Variants in TTC7B observed in about 807,000 individuals in gnomAD.
TTC7B encodes the protein tetratricopeptide repeat protein 7B.
TTC7B carries 28 observed loss-of-function variants against 106.8 expected under a neutral mutation model. The observed-to-expected ratio is 0.26, with a 90% CI of 0.19 to 0.36. TTC7B has a LOEUF of 0.36. TTC7B is among the 10% of genes least tolerant of loss of function. The pLI, the probability that TTC7B is intolerant of heterozygous loss-of-function variation, is 1.00. For missense variants in TTC7B, 862 were observed against 1,076.4 expected, an observed-to-expected ratio of 0.80 and a Z score of 2.79; for synonymous variants, 405 against 430.6, an observed-to-expected ratio of 0.94 and a Z score of 0.74.
At position 90,536,163 on chromosome 14, in the gene TTC7B, G is replaced by C. The variant is rs1349924094; in HGVS notation, c.*5205C>G. ...CCCTGACGGGGTCTCCAGGCATTGAGAGAGCCCACCCACCTCCTCCAGGAA... is the reference window on the plus strand; with the variant it reads ...CCCTGACGGGGTCTCCAGGCATTGACAGAGCCCACCCACCTCCTCCAGGAA... On this transcript the variant is annotated 3_prime_UTR_variant, in exon 20 of 20. Coordinates refer to ENST00000328459, the MANE Select transcript of TTC7B (RefSeq NM_001010854.2). 3 of 154,944 alleles carry C rather than the reference G, an allele frequency of 1.9e-5. No homozygotes were observed. Among genetic ancestry groups the C allele is most frequent in the Non-Finnish European group, 1.4e-5 (1 of 69,046 alleles). The allele number at this position is 154,944 out of a possible 1,614,324, so 9.6% of individuals were successfully genotyped here.
intron 15 of TTC7B, among the ~76,000 whole-genome samples, chr14:90,630,710 C>G (rs1286444): frequency 0.39 from 59,688 of 152,070 alleles, 11,948 homozygotes; most frequent in Middle Eastern, 0.48. Flanking sequence ...GACTACTCCA[C>G]GTACCTCATA....
chr14:90,615,903 C>T (rs1314489345), intron 16 of TTC7B, among the ~76,000 whole-genome samples: 4 of 152,190 alleles, frequency 2.6e-5, no homozygotes, highest in South Asian at 2.1e-4. Context: ...CCACCCCATC[C>T]GCCAGTCCCC....
intron 15 of TTC7B, among the ~76,000 whole-genome samples, chr14:90,641,921 T>TTGCG (rs1885188419): frequency 7.2e-6 from 1 of 139,218 alleles, no homozygotes; most frequent in Non-Finnish European, 1.5e-5. Context: ...ATGAAAGAGC[T>TTGCG]TGTGTGTGTG....
Position 90,689,643 on chromosome 14 carries a change from C to T in TTC7B, c.847G>A (p.Glu283Lys). ...MCEQSYWNPL[E>K]DPPCQSPLDD... ...AGAGGTGACTGGCACGGTGGATCCT[C>T]CAGAGGGTTCCAGTAGCTCTGCTCA... Residue 283 changes from glutamate to lysine, a missense_variant, in exon 7 of 20, where the codon GAG (glutamate) becomes AAG (lysine). Coordinates refer to ENST00000328459, the MANE Select transcript of TTC7B (RefSeq NM_001010854.2). 1 of 1,614,124 alleles carries T rather than the reference C, an allele frequency of 6.2e-7. No homozygotes were observed. The highest frequency in any genetic ancestry group is 8.5e-7 in the Non-Finnish European group (1 of 1,180,004).
rs1367845072 is a variant in TTC7B at position 90,759,942 on chromosome 14, C to T, written c.446-15020G>A. ...AGGCAGCTTAGATATGACACAGCCT[C>T]AACACCCAACCCAGAATAAGCACTC... On this transcript the variant is annotated intron_variant, in intron 3 of 19. Transcript: ENST00000328459. The surrounding 1 kb of genome is among the most constrained non-coding windows in gnomAD (Gnocchi z 4.1). Among the ~76,000 whole-genome samples, 1 of 152,168 alleles carries T rather than the reference C, an allele frequency of 6.6e-6. No individual in the cohort carries two copies. The highest frequency in any genetic ancestry group is 1.5e-5 in the Non-Finnish European group (1 of 68,030).
chr14:90,690,495 T>C (rs898324196), intron 6 of TTC7B, among the ~76,000 whole-genome samples: 1 of 152,170 alleles, frequency 6.6e-6, no homozygotes, highest in East Asian at 1.9e-4. Context: ...ATATAATGTA[T>C]GGGGGAAAAG....
At chr14:90,572,631 C>T (rs1273720008) in intron 19 of TTC7B, among the ~76,000 whole-genome samples, 1 of 152,142 alleles carries the variant, frequency 6.6e-6, no homozygotes, top group Non-Finnish European at 1.5e-5. Flanking sequence ...TCAAAGACAG[C>T]CTGTGTATGA....
chr14:90,567,905 A>C (rs113492894), intron 19 of TTC7B, among the ~76,000 whole-genome samples: 18 of 152,190 alleles, frequency 1.2e-4, no homozygotes, highest in Non-Finnish European at 2.6e-4. Context: ...GAGACTTCTT[A>C]CAGGATATTC....
chr14:90,738,796 T>C (rs1418519842), intron 4 of TTC7B, among the ~76,000 whole-genome samples: 1 of 152,050 alleles, frequency 6.6e-6, no homozygotes, highest in Admixed American at 6.5e-5. Context: ...CAACAATACG[T>C]TCATCGTATC....
At chr14:90,764,843 C>A (rs1404378348) in intron 3 of TTC7B, among the ~76,000 whole-genome samples, 3 of 152,150 alleles carry the variant, frequency 2.0e-5, no homozygotes, top group Non-Finnish European at 4.4e-5. Flanking sequence ...GAAATTAGAA[C>A]CTTCATGCAG....
intron 3 of TTC7B, among the ~76,000 whole-genome samples, chr14:90,760,014 G>A (rs1890446602): frequency 6.6e-6 from 1 of 152,232 alleles, no homozygotes; most frequent in African/African-American, 2.4e-5. Context: ...AGTCTAGTTT[G>A]AGAGAGGCAA....
At chr14:90,646,357 A>G (rs1451198527) in intron 14 of TTC7B, among the ~76,000 whole-genome samples, 2 of 152,200 alleles carry the variant, frequency 1.3e-5, no homozygotes, top group Non-Finnish European at 2.9e-5. Flanking sequence ...TGGCAGAGGC[A>G]GCATCTAAAA....
intron 15 of TTC7B, among the ~76,000 whole-genome samples, chr14:90,638,577 A>G (rs1885042379): frequency 6.6e-6 from 1 of 152,238 alleles, no homozygotes; most frequent in Non-Finnish European, 1.5e-5. Context: ...AAAACATCCA[A>G]AAATACTTGT....
intron 5 of TTC7B, among the ~76,000 whole-genome samples, chr14:90,728,260 G>A (rs1889187158): frequency 6.8e-6 from 1 of 148,020 alleles, no homozygotes; most frequent in Admixed American, 6.9e-5. Flanking sequence ...CACTTAGGGA[G>A]GCCAAGGCAG....
chr14:90,778,590 CCA>C (rs10611473), intron 3 of TTC7B, among the ~76,000 whole-genome samples: 40,842 of 150,568 alleles, frequency 0.27, 8,959 homozygotes, highest in African/African-American at 0.61. Flanking sequence ...CTGTTGCTGG[CCA>C]CACACACACA....
chr14:90,561,112 C>T (rs1890559883), intron 19 of TTC7B, among the ~76,000 whole-genome samples: 1 of 152,152 alleles, frequency 6.6e-6, no homozygotes, highest in African/African-American at 2.4e-5. Flanking sequence ...GTGCGGGGTG[C>T]CCTGATGTAG....
chr14:90,739,455 C>T (rs1889671956), intron 4 of TTC7B, among the ~76,000 whole-genome samples: 1 of 152,188 alleles, frequency 6.6e-6, no homozygotes, highest in Non-Finnish European at 1.5e-5. Context: ...CGGCAGTAAC[C>T]TGCATCTAAT....
intron 19 of TTC7B, among the ~76,000 whole-genome samples, chr14:90,565,696 G>A (rs1456476468): frequency 2.6e-5 from 4 of 152,194 alleles, no homozygotes; most frequent in African/African-American, 4.8e-5. Context: ...CACCGCGCCT[G>A]GCCAATCCTT....
intron 17 of TTC7B, among the ~76,000 whole-genome samples, chr14:90,594,121 G>T (rs1892104759): frequency 6.6e-6 from 1 of 152,142 alleles, no homozygotes; most frequent in Non-Finnish European, 1.5e-5. Flanking sequence ...GCCTTGGAGA[G>T]GTGGACTACA....
Sources: allele counts gnomAD v4.1 joint callset (sites outside exome capture counted in the v4.1 genomes callset), GRCh38; gene constraint gnomAD v4.1.1; non-coding constraint Gnocchi (gnomAD v3.1); transcripts MANE v1.5; gene names NCBI Gene and HGNC (gene_info 2026-07-23, HGNC 2026-07-21).